EED: variants seen among roughly 807,000 people sequenced by gnomAD.
EED encodes polycomb protein EED.
A neutral mutation model predicts 61.0 loss-of-function variants in EED; 9 were observed. The ratio of observed to expected loss-of-function variants is 0.15; its 90% CI spans 0.09 to 0.26. The LOEUF (loss-of-function observed/expected upper bound fraction) is 0.26, where lower values mean the gene tolerates loss of function less well. Ranked by LOEUF, EED falls within the 10% of genes least tolerant of loss-of-function variation. The pLI is 1.00. For synonymous variants in EED, 187 were observed against 174.4 expected (o/e 1.07, Z -0.57); for missense variants, 315 against 542.3 (o/e 0.58, Z 4.16).
At chr11:86,287,055 ATACT>A in the EED span, among the ~76,000 whole-genome samples, 1 of 151,458 alleles carries the variant, frequency 6.6e-6, no homozygotes, top group African/African-American at 2.4e-5. Context: ...ATGAAACAAT[ATACT>A]TACTAATATG....
At chr11:86,257,807 C>A (rs1945716207) in intron 6 of EED, among the ~76,000 whole-genome samples, 1 of 152,212 alleles carries the variant, frequency 6.6e-6, no homozygotes, top group Non-Finnish European at 1.5e-5. Flanking sequence ...GCAGTAAGTG[C>A]CTCTCCATCC....
intron 9 of EED, among the ~76,000 whole-genome samples, chr11:86,274,208 T>A (rs1946179896): frequency 6.6e-6 from 1 of 152,098 alleles, no homozygotes; most frequent in Non-Finnish European, 1.5e-5. Context: ...TTGAGTTTTT[T>A]ATTTGGGTTA....
downstream of EED, among the ~76,000 whole-genome samples, chr11:86,280,398 T>G (rs1946309282): frequency 6.6e-6 from 1 of 152,200 alleles, no homozygotes; most frequent in South Asian, 2.1e-4. Flanking sequence ...TACTCTATTT[T>G]TGCCCTCTCT....
intron 3 of EED, among the ~76,000 whole-genome samples, chr11:86,252,991 A>G (rs1945573415): frequency 6.6e-6 from 1 of 152,076 alleles, no homozygotes; most frequent in South Asian, 2.1e-4. Flanking sequence ...CAAGCAATCT[A>G]CCTGCCTTGG....
intron 9 of EED, among the ~76,000 whole-genome samples, chr11:86,271,568 G>C (rs1272824724): frequency 2.0e-5 from 3 of 152,092 alleles, no homozygotes; most frequent in Non-Finnish European, 4.4e-5. Flanking sequence ...AGATATTCTT[G>C]ACTTGTCATT....
Position 86,257,570 on chromosome 11 carries a change from C to T in EED, c.608C>T (p.Pro203Leu). 1 of 1,611,634 alleles carries T rather than the reference C, an allele frequency of 6.2e-7. No homozygotes were observed. The highest frequency in any genetic ancestry group is 8.5e-7 in the Non-Finnish European group (1 of 1,178,776). The change falls in exon 6 of 12, where the codon CCA (proline) becomes CTA (leucine). Residue 203 changes from proline to leucine, a missense_variant. Physicochemically the swap from Pro to Leu is moderately conservative, Grantham distance 98 (BLOSUM62 -3). Around this residue, in one of 2 missense-constraint regions of EED, gnomAD observed 205 missense variants for 455.4 expected, o/e 0.45. Transcript: ENST00000263360. ...GAGCTGAAATTCCATCCAAGAGATC[C>T]AAATCTTCTCCTGTCAGTAAGTAAA... ...INELKFHPRD[P>L]NLLLSVSKDH...
At chr11:86,246,922 A>G (rs1945406179) in intron 1 of EED, among the ~76,000 whole-genome samples, 1 of 152,246 alleles carries the variant, frequency 6.6e-6, no homozygotes, top group Non-Finnish European at 1.5e-5. Context: ...ATGAGTTAAT[A>G]TAGCTAAAGT....
At chr11:86,277,206 C>T in intron 10 of EED, 68 bp downstream of exon 10, 2 of 1,401,092 alleles carry the variant, frequency 1.4e-6, no homozygotes, top group Non-Finnish European at 1.9e-6. Context: ...CTAGCTTTTT[C>T]TGTTGTGTCC....
At chr11:86,274,530 C>T (rs539345340) in intron 9 of EED, among the ~76,000 whole-genome samples, 79 of 152,170 alleles carry the variant, frequency 5.2e-4, no homozygotes, top group South Asian at 1.5e-3. Flanking sequence ...GGAAGGGAGG[C>T]GCATTGTGTT....
chr11:86,254,048 CAAAAAAA>C (rs201298345), intron 3 of EED, among the ~76,000 whole-genome samples: 14 of 56,338 alleles, frequency 2.5e-4, no homozygotes, highest in South Asian at 1.2e-3. Flanking sequence ...AACTCTGTCT[CAAAAAAA>C]AAAAAAAAAA....
At chr11:86,276,934 A>G in intron 9 of EED, 46 bp from the exon 10 acceptor site, 2 of 1,423,240 alleles carry the variant, frequency 1.4e-6, no homozygotes, top group Non-Finnish European at 1.9e-6. Flanking sequence ...TGTAAGATTC[A>G]GTTCCTCATT....
rs948304530 is a variant in EED, at chr11:86,277,765, G to A, written c.1126-153G>A. On this transcript the variant is annotated intron_variant, in intron 10 of 11. Transcript: ENST00000263360. The stretch of plus-strand genomic sequence containing the variant: ...ATTAATTGCTCTTATTCATATTTAC[G>A]AATCAGGAGTATAAGACCCAAAGAA... 4 of 526,398 alleles carry A rather than the reference G, an allele frequency of 7.6e-6. No individual in the cohort carries two copies. In the East Asian group the frequency reaches 1.1e-4, roughly 15 times the overall value. The allele number at this position is 526,398 out of a possible 1,614,324, so 32.6% of individuals were successfully genotyped here. A position where few individuals can be genotyped will look rare whatever the true frequency, so the allele number is the denominator to read the frequency against.
At chr11:86,255,142 G>T in intron 3 of EED, 80 bp from the exon 4 acceptor site, 1 of 1,111,446 alleles carries the variant, frequency 9.0e-7, no homozygotes. Context: ...ATAGGATTGC[G>T]ATTAAAATAT....
Position 86,266,922 on chromosome 11 carries a change from C to G in EED, c.860+706C>G, listed in dbSNP as rs553804992. ...GAGCTAGAATTCATTTTCTGGTTAT[C>G]AAGCCAGATTGTTAATAGATTATTA... On this transcript the variant is annotated intron_variant, in intron 8 of 11. Coordinates refer to ENST00000263360, the MANE Select transcript of EED (RefSeq NM_003797.5). Among the ~76,000 whole-genome samples, 8 of 152,234 alleles carry G rather than the reference C, an allele frequency of 5.3e-5. No individual in the cohort carries two copies. In the East Asian group the frequency reaches 1.5e-3, roughly 29 times the overall value.
chr11:86,254,002 C>G (rs980929479), intron 3 of EED, among the ~76,000 whole-genome samples: 2 of 121,346 alleles, frequency 1.6e-5, no homozygotes, highest in African/African-American at 3.1e-5. Context: ...GAGCCAAGAT[C>G]ATGCCATTGC....
intron 4 of EED, among the ~76,000 whole-genome samples, chr11:86,255,836 A>C (rs1033579189): frequency 1.3e-5 from 2 of 152,230 alleles, no homozygotes; most frequent in Non-Finnish European, 2.9e-5. Context: ...TAGAGCGGTA[A>C]AAGCTAAGTA....
chr11:86,283,346 C>A (rs1359595779), downstream of EED, among the ~76,000 whole-genome samples: 2 of 152,134 alleles, frequency 1.3e-5, no homozygotes, highest in African/African-American at 4.8e-5. Flanking sequence ...AAACAGCCAC[C>A]TTATTTTAAA....
At chr11:86,247,888 C>A (rs1002279008) in intron 1 of EED, among the ~76,000 whole-genome samples, 1 of 152,198 alleles carries the variant, frequency 6.6e-6, no homozygotes, top group Non-Finnish European at 1.5e-5. Flanking sequence ...ATTACAGGCA[C>A]ATATTTTACA....
the EED span, among the ~76,000 whole-genome samples, chr11:86,287,376 A>G: frequency 2.6e-5 from 4 of 152,222 alleles, no homozygotes; most frequent in Non-Finnish European, 5.9e-5. Context: ...GAAAATGACT[A>G]TCACTTTGGA....
Sources: allele counts gnomAD v4.1 joint callset (sites outside exome capture counted in the v4.1 genomes callset), GRCh38; gene constraint gnomAD v4.1.1; regional missense constraint gnomAD v4.1.1; transcripts MANE v1.5; gene names NCBI Gene and HGNC (gene_info 2026-07-23, HGNC 2026-07-21).